CSNK2A3: variants seen among roughly 807,000 people sequenced by gnomAD.
CSNK2A3 encodes casein kinase II subunit alpha 3.
Under a neutral mutation model 36.5 loss-of-function variants are expected in CSNK2A3, and 31 were observed. That is an observed-to-expected ratio of 0.85 (90% CI 0.64 to 1.15). The LOEUF (loss-of-function observed/expected upper bound fraction) is 1.15, where lower values mean the gene tolerates loss of function less well. Among genes scored for constraint, CSNK2A3 ranks in the 50% most tolerant of loss-of-function variants. CSNK2A3 has a pLI of 0.00. For missense variants in CSNK2A3, 443 were observed against 487.2 expected (o/e 0.91, Z 0.85); for synonymous variants, 152 against 176.3 (o/e 0.86, Z 1.09).
In CSNK2A3 at chr11:11,352,793, G is replaced by C. The variant is rs528214897; in HGVS notation, c.327C>G (p.Pro109=). 2 of 1,614,164 alleles carry C rather than the reference G, an allele frequency of 1.2e-6. No individual in the cohort carries two copies. The highest frequency in any genetic ancestry group is 8.5e-7 in the Non-Finnish European group (1 of 1,180,028). ...TGTTTACGTGTTCAAAAACCAAGGC[G>C]GGGGTTCGTGACACAGGGTCTTTTA... is the stretch of plus-strand genomic sequence containing the variant. ...DIVKDPVSRT[P]ALVFEHVNNT... The change falls in exon 1 of 1, where the codon CCC becomes CCG. Residue 109 remains proline (P), a synonymous_variant. Coordinates refer to ENST00000528848, the MANE Select transcript of CSNK2A3 (RefSeq NM_001256686.2).
In CSNK2A3 at chr11:11,352,242, A is replaced by G. The variant is rs764083336; in HGVS notation, c.878T>C (p.Val293Ala). Residue 293 changes from valine (V) to alanine (A), a missense_variant, in exon 1 of 1, where the codon GTC becomes GCC. Transcript: ENST00000528848. ...CAGGAAATCCAAGGCCTCAGGGCTG[A>G]CAAGGTGCTGATTTTCACTGTGGAC... ...RFVHSENQHL[V>A]SPEALDFLDK... 3 of 1,614,072 alleles carry G rather than the reference A, an allele frequency of 1.9e-6. No homozygotes were observed. Among genetic ancestry groups the G allele is most frequent in the African/African-American group, 1.3e-5 (1 of 75,014 alleles).
In CSNK2A3 at chr11:11,352,160, C is replaced by T. The variant is rs893124948; in HGVS notation, c.960G>A (p.Glu320=). The change falls in exon 1 of 1, where the codon GAG becomes GAA. Residue 320 remains glutamate (E), a synonymous_variant. Transcript: ENST00000528848. ...TCACAACAGTGTAGAAATAGGGGTG[C>T]TCCATGGCCTCTCTTGCAGTAAGCC... The part of the protein sequence containing the change: ...QSRLTAREAM[E]HPYFYTVVKD... 1.9e-6 allele frequency: 3 copies of T among 1,613,630 alleles called. No homozygotes were observed. The highest frequency in any genetic ancestry group is 1.7e-5 in the Admixed American group (1 of 59,928).
At position 11,353,133 on chromosome 11, in the gene CSNK2A3, G is replaced by A; in HGVS notation, c.-14C>T. Reference sequence around the variant, plus strand: ...GGGTCCCGACATGTCAGACAGGTTGGCGGACAAAGCTGGACTTGATGTTTG... The same window carrying A: ...GGGTCCCGACATGTCAGACAGGTTGACGGACAAAGCTGGACTTGATGTTTG... On this transcript the variant is annotated 5_prime_UTR_variant, in exon 1 of 1. Coordinates refer to ENST00000528848, the MANE Select transcript of CSNK2A3 (RefSeq NM_001256686.2). 2.5e-6 allele frequency: 4 copies of A among 1,613,536 alleles called. No homozygotes were observed. The highest frequency in any genetic ancestry group is 3.4e-6 in the Non-Finnish European group (4 of 1,179,508).
At position 11,352,687 on chromosome 11, in the gene CSNK2A3, C is replaced by T. The variant is rs748874398; in HGVS notation, c.433G>A (p.Asp145Asn). ...FYMYEILKALDYCHSMGIMHR... is the reference protein window; with the variant it reads ...FYMYEILKALNYCHSMGIMHR... ...ATAATTCCCATGCTGTGACAATAAT[C>T]CAGGGCCTTCAGAATCTCATACATG... The change falls in exon 1 of 1, where the codon GAT becomes AAT. Residue 145 changes from aspartate (D) to asparagine (N), a missense_variant. Asp to Asn is a conservative substitution (Grantham distance 23). Coordinates refer to ENST00000528848, the MANE Select transcript of CSNK2A3 (RefSeq NM_001256686.2). 2.5e-6 allele frequency: 4 copies of T among 1,614,090 alleles called. No homozygotes were observed. In the South Asian group the frequency reaches 3.3e-5, roughly 13 times the overall value.
rs1850450170 is a variant in CSNK2A3, at chr11:11,353,012, T to C, written c.108A>G (p.Gln36=). The C allele has an allele frequency of 5.0e-6, 8 of 1,614,256 alleles. No homozygotes were observed. Among genetic ancestry groups the C allele is most frequent in the East Asian group, 2.2e-5 (1 of 44,886 alleles). ...YESHVVEWGN[Q]DDYQLVRKLG... ...ATTTTCGAACCAGCTGGTAGTCATCTTGATTTCCCCATTCCACCACATGTG... is the reference window on the plus strand; with the variant it reads ...ATTTTCGAACCAGCTGGTAGTCATCCTGATTTCCCCATTCCACCACATGTG... Residue 36 remains glutamine, a synonymous_variant, in exon 1 of 1, where the codon CAA becomes CAG. Transcript: ENST00000528848.
chr11:11,352,295 T>A lies in CSNK2A3; in HGVS notation c.825A>T (p.Arg275Ser). 1 of 1,614,148 alleles carries A rather than the reference T, an allele frequency of 6.2e-7. No homozygotes were observed. Among genetic ancestry groups the A allele is most frequent in the East Asian group, 2.2e-5 (1 of 44,878 alleles). ...AGCGTTCCCATCGCTTTCGAGAGTG[T>A]CTGCCCAAGATATCATTGAAACGTG... ...LDPRFNDILG[R>S]HSRKRWERFV... The change falls in exon 1 of 1, where the codon AGA (arginine) becomes AGT (serine). Residue 275 changes from arginine (R) to serine (S), a missense_variant. Transcript: ENST00000528848.
Position 11,352,363 on chromosome 11 carries a change from C to A in CSNK2A3, c.757G>T (p.Asp253Tyr), listed in dbSNP as rs552266043. 4.4e-4 allele frequency: 714 copies of A among 1,614,082 alleles called. 1 individual carries two copies. The highest frequency in any genetic ancestry group is 3.4e-3 in the African/African-American group (255 of 75,016). The change falls in exon 1 of 1, where the codon GAT becomes TAT. Residue 253 changes from aspartate (D) to tyrosine (Y), a missense_variant. Transcript: ENST00000528848. ...VRIAKFLGTE[D>Y]LYGYIDKYNI... is the part of the protein sequence containing the mutation. ...TATTTGTCAATATAGCCATATAAAT[C>A]TTCTGTCCCCAGAAACTTGGCTATC...
chr11:11,352,129 G>C lies in CSNK2A3; in HGVS notation c.991C>G (p.Gln331Glu), dbSNP rs1421510118. ...HPYFYTVVKD[Q>E]ARMGSSSMPG... is the part of the protein sequence containing the mutation. ...ATGCTAGATGAACCCATTCGAGCCT[G>C]GTCCTTCACAACAGTGTAGAAATAG... Residue 331 changes from glutamine (Q) to glutamate (E), a missense_variant, in exon 1 of 1, where the codon CAG becomes GAG. Gln to Glu is a conservative substitution (Grantham distance 29). Coordinates refer to ENST00000528848, the MANE Select transcript of CSNK2A3 (RefSeq NM_001256686.2). The C allele has an allele frequency of 1.2e-6, 2 of 1,613,558 alleles. No individual in the cohort carries two copies. Among genetic ancestry groups the C allele is most frequent in the Admixed American group, 1.7e-5 (1 of 59,914 alleles).
At position 11,352,941 on chromosome 11, in the gene CSNK2A3, G is replaced by C; in HGVS notation, c.179C>G (p.Thr60Arg). The C allele has an allele frequency of 3.1e-6, 5 of 1,613,986 alleles. No homozygotes were observed. Among genetic ancestry groups the C allele is most frequent in the Non-Finnish European group, 3.4e-6 (4 of 1,180,010 alleles). The change falls in exon 1 of 1, where the codon ACA becomes AGA. Residue 60 changes from threonine (T) to arginine (R), a missense_variant. By Grantham distance (71) the Thr-to-Arg change is moderately conservative. Transcript: ENST00000528848. The stretch of plus-strand genomic sequence containing the variant: ...TTTAACAACAACTTTTTCATTATTT[G>C]TGATGTTGATGGCTTCAAATACTTC... ...YSEVFEAINITNNEKVVVKIL... is the reference protein window; with the variant it reads ...YSEVFEAINIRNNEKVVVKIL...
rs764193649 is a variant in CSNK2A3 at position 11,352,609 on chromosome 11, G to C, written c.511C>G (p.Leu171Val). The change falls in exon 1 of 1, where the codon CTA becomes GTA. Residue 171 changes from leucine to valine, a missense_variant. Transcript: ENST00000528848. ...NVMIDHEHRK[L>V]RLIDWGLAEF... ...GCCAAACCCCAGTCTATTAGTCGTA[G>C]CTTTCTGTGCTCATGATCAATCATG... 12 of 1,614,056 alleles carry C rather than the reference G, an allele frequency of 7.4e-6. No individual in the cohort carries two copies. Among genetic ancestry groups the C allele is most frequent in the African/African-American group, 1.3e-5 (1 of 74,926 alleles).
Position 11,352,309 on chromosome 11 carries a change from C to T in CSNK2A3, c.811G>A (p.Asp271Asn), listed in dbSNP as rs1470198598. Residue 271 changes from aspartate to asparagine, a missense_variant, in exon 1 of 1, where the codon GAT becomes AAT. By Grantham distance (23) the Asp-to-Asn change is conservative. Coordinates refer to ENST00000528848, the MANE Select transcript of CSNK2A3 (RefSeq NM_001256686.2). ...TTTCGAGAGTGTCTGCCCAAGATAT[C>T]ATTGAAACGTGGATCTAATTCAATG... is the stretch of plus-strand genomic sequence containing the variant. ...YNIELDPRFN[D>N]ILGRHSRKRW... 6.2e-7 allele frequency: 1 copy of T among 1,613,970 alleles called. No homozygotes were observed.
In CSNK2A3 at chr11:11,352,097, C is replaced by T. The variant is rs752589616; in HGVS notation, c.1023G>A (p.Gly341=). Residue 341 remains glycine (G), a synonymous_variant, in exon 1 of 1, where the codon GGG becomes GGA. Coordinates refer to ENST00000528848, the MANE Select transcript of CSNK2A3 (RefSeq NM_001256686.2). ...QARMGSSSMP[G]GSTPVSSANV... ...TGGCGCTGCTGACGGGCGTACTGCC[C>T]CCTGGCATGCTAGATGAACCCATTC... is the stretch of plus-strand genomic sequence containing the variant. 1.9e-6 allele frequency: 3 copies of T among 1,613,468 alleles called. No homozygotes were observed. Among genetic ancestry groups the T allele is most frequent in the East Asian group, 2.2e-5 (1 of 44,856 alleles).
rs747145401 is a variant in CSNK2A3, at chr11:11,352,263, T to G, written c.857A>C (p.His286Pro). The G allele has an allele frequency of 2.9e-5, 47 of 1,614,104 alleles. 1 individual carries two copies. The highest frequency in any genetic ancestry group is 1.6e-4 in the Middle Eastern group (1 of 6,062). Residue 286 changes from histidine (H) to proline (P), a missense_variant, in exon 1 of 1, where the codon CAC becomes CCC. Coordinates refer to ENST00000528848, the MANE Select transcript of CSNK2A3 (RefSeq NM_001256686.2). The stretch of plus-strand genomic sequence containing the variant: ...GCTGACAAGGTGCTGATTTTCACTG[T>G]GGACAAAGCGTTCCCATCGCTTTCG... ...HSRKRWERFV[H>P]SENQHLVSPE...
At position 11,352,304 on chromosome 11, in the gene CSNK2A3, G is replaced by C. The variant is rs765194100; in HGVS notation, c.816C>G (p.Ile272Met). 2 of 1,614,096 alleles carry C rather than the reference G, an allele frequency of 1.2e-6. No homozygotes were observed. The highest frequency in any genetic ancestry group is 4.5e-5 in the East Asian group (2 of 44,880). Residue 272 changes from isoleucine (I) to methionine (M), a missense_variant, in exon 1 of 1, where the codon ATC becomes ATG. Physicochemically the swap from Ile to Met is conservative, Grantham distance 10. Transcript: ENST00000528848. Reference sequence around the variant, plus strand: ...ATCGCTTTCGAGAGTGTCTGCCCAAGATATCATTGAAACGTGGATCTAATT... The same window carrying C: ...ATCGCTTTCGAGAGTGTCTGCCCAACATATCATTGAAACGTGGATCTAATT... ...NIELDPRFND[I>M]LGRHSRKRWE...
chr11:11,352,023 G>C lies in CSNK2A3; in HGVS notation c.1097C>G (p.Pro366Arg). 6.2e-7 allele frequency: 1 copy of C among 1,613,640 alleles called. No individual in the cohort carries two copies. The highest frequency in any genetic ancestry group is 8.5e-7 in the Non-Finnish European group (1 of 1,179,914). ...AGCAATCACTGGTGAGCCTGCCAGA[G>C]GTCCAAGGGGTGAAGGAGTTGGCAC... is the stretch of plus-strand genomic sequence containing the variant. ...SSVPTPSPLG[P>R]LAGSPVIAAA... Residue 366 changes from proline (P) to arginine (R), a missense_variant, in exon 1 of 1, where the codon CCT (proline) becomes CGT (arginine). By Grantham distance (103) the Pro-to-Arg change is moderately radical. Coordinates refer to ENST00000528848, the MANE Select transcript of CSNK2A3 (RefSeq NM_001256686.2).
the CSNK2A3 span, chr11:11,352,592 C>T: frequency 6.2e-7 from 1 of 1,614,010 alleles, no homozygotes; most frequent in African/African-American, 1.3e-5. Context: ...CAGCCAAACC[C>T]CAGTCTATTA....
rs571821661 is a variant in CSNK2A3, at chr11:11,352,024, G to A, written c.1096C>T (p.Pro366Ser). 1.4e-4 allele frequency: 219 copies of A among 1,613,612 alleles called. 2 individuals are homozygous for A. In the South Asian group the frequency reaches 2.1e-3, roughly 15 times the overall value. Reference protein sequence around the residue: ...SSVPTPSPLGPLAGSPVIAAA... With the variant: ...SSVPTPSPLGSLAGSPVIAAA... ...GCAATCACTGGTGAGCCTGCCAGAG[G>A]TCCAAGGGGTGAAGGAGTTGGCACT... The change falls in exon 1 of 1, where the codon CCT (proline) becomes TCT (serine). Residue 366 changes from proline to serine, a missense_variant. Pro to Ser is a moderately conservative substitution (Grantham distance 74). Transcript: ENST00000528848.
In CSNK2A3 at chr11:11,352,456, G is replaced by A; in HGVS notation, c.664C>T (p.Leu222=). Residue 222 remains leucine, a synonymous_variant, in exon 1 of 1, where the codon CTG becomes TTG. Coordinates refer to ENST00000528848, the MANE Select transcript of CSNK2A3 (RefSeq NM_001256686.2). ...SLDMWRLGCM[L]ASMIFRKEPF... ...TCCTTCCGAAAGATCATACTTGCCA[G>A]CATACAACCCAATCTCCACATATCC... 1 of 1,614,150 alleles carries A rather than the reference G, an allele frequency of 6.2e-7. No individual in the cohort carries two copies. Among genetic ancestry groups the A allele is most frequent in the South Asian group, 1.1e-5 (1 of 91,080 alleles).
chr11:11,352,265 G>A lies in CSNK2A3; in HGVS notation c.855C>T (p.Val285=), dbSNP rs972110944. 2.5e-6 allele frequency: 4 copies of A among 1,614,094 alleles called. No individual in the cohort carries two copies. Among genetic ancestry groups the A allele is most frequent in the African/African-American group, 1.3e-5 (1 of 75,004 alleles). The change falls in exon 1 of 1, where the codon GTC becomes GTT. Residue 285 remains valine, a synonymous_variant. Transcript: ENST00000528848. ...TGACAAGGTGCTGATTTTCACTGTG[G>A]ACAAAGCGTTCCCATCGCTTTCGAG... is the stretch of plus-strand genomic sequence containing the variant. ...RHSRKRWERF[V]HSENQHLVSP...
Sources: gnomAD v4.1 joint callset for allele counts on GRCh38, gnomAD v4.1.1 for gene constraint, MANE v1.5 for transcripts, NCBI Gene and HGNC (gene_info 2026-07-23, HGNC 2026-07-21) for gene names.